CDHR4: variants seen among roughly 807,000 people sequenced by gnomAD.
CDHR4 encodes the protein cadherin-related family member 4.
In CDHR4, 89 loss-of-function variants were observed where a neutral mutation model predicts 88.4. The ratio of observed to expected loss-of-function variants is 1.01; its 90% CI spans 0.85 to 1.20. The LOEUF (loss-of-function observed/expected upper bound fraction) is 1.20, where lower values mean the gene tolerates loss of function less well. Among genes scored for constraint, CDHR4 ranks in the 50% most tolerant of loss-of-function variants. CDHR4 has a pLI of 0.00. For synonymous variants in CDHR4, 368 were observed against 399.2 expected (o/e 0.92, Z 0.93); for missense variants, 914 against 1,007.2 (o/e 0.91, Z 1.25).
rs1400923698 is a variant in CDHR4, at chr3:49,792,479, C to G, written c.2127G>C (p.Arg709Ser). Residue 709 changes from arginine (R) to serine (S), a missense_variant, in exon 15 of 19, where the codon AGG (arginine) becomes AGC (serine). Physicochemically the swap from Arg to Ser is moderately radical, Grantham distance 110. Transcript: ENST00000412678. Reference sequence around the variant, plus strand: ...GATAGGATCCCTACCCCTGGAGGAGCCTGCCAAGAAGCCAGCCTAGGGCCA... The same window carrying G: ...GATAGGATCCCTACCCCTGGAGGAGGCTGCCAAGAAGCCAGCCTAGGGCCA... ...LLLALGWLLGRLLQGLAQLLQ... is the reference protein window; with the variant it reads ...LLLALGWLLGSLLQGLAQLLQ... 6.4e-7 allele frequency: 1 copy of G among 1,551,640 alleles called. No individual in the cohort carries two copies. The highest frequency in any genetic ancestry group is 1.4e-5 in the African/African-American group (1 of 73,172).
intron 4 of CDHR4, chr3:49,798,157 C>A (rs145090541): frequency 2.6e-5 from 4 of 150,986 alleles, no homozygotes; most frequent in Non-Finnish European, 4.4e-5. Flanking sequence ...CCTCAGCCCC[C>A]TCAAAGTGCT....
chr3:49,800,377 G>C (rs2081344368), upstream of CDHR4, among the ~76,000 whole-genome samples: 2 of 151,926 alleles, frequency 1.3e-5, no homozygotes, highest in Non-Finnish European at 2.9e-5. Flanking sequence ...AATTAGTTGG[G>C]TGTGGTGATC....
In CDHR4 at chr3:49,794,701, C is replaced by T. The variant is rs1186678305; in HGVS notation, c.1186G>A (p.Val396Met). ...SLCLYDRVLE[V>M]NATLDCDTPG... ...GTGTCACAGTCCAGTGTGGCATTCACCTAGCCAAAGGGGCTAGAAAGTGAG... is the reference window on the plus strand; with the variant it reads ...GTGTCACAGTCCAGTGTGGCATTCATCTAGCCAAAGGGGCTAGAAAGTGAG... Residue 396 changes from valine (V) to methionine (M), a missense_variant and splice_region_variant, in exon 10 of 19, where the codon GTG becomes ATG. Coordinates refer to ENST00000412678, the MANE Select transcript of CDHR4 (RefSeq NM_001007540.4). The T allele has an allele frequency of 1.9e-6, 3 of 1,550,336 alleles. No homozygotes were observed. Among genetic ancestry groups the T allele is most frequent in the African/African-American group, 1.4e-5 (1 of 73,022 alleles).
intron 5 of CDHR4, among the ~76,000 whole-genome samples, chr3:49,796,645 A>G (rs1320978830): frequency 6.6e-6 from 1 of 152,158 alleles, no homozygotes; most frequent in African/African-American, 2.4e-5. Flanking sequence ...GCCATTACCC[A>G]GGACTTTCTC....
At position 49,793,985 on chromosome 3, in the gene CDHR4, A is replaced by G; in HGVS notation, c.1301T>C (p.Met434Thr). Residue 434 changes from methionine to threonine, a missense_variant, in exon 11 of 19, where the codon ATG becomes ACG. By Grantham distance (81) the Met-to-Thr change is moderately conservative (BLOSUM62 -1). Coordinates refer to ENST00000412678, the MANE Select transcript of CDHR4 (RefSeq NM_001007540.4). Reference sequence around the variant, plus strand: ...GGAGAACTCGTTGATGGGTGTCACCATCACCAGTACCGGCACCTCAGCTGG... The same window carrying G: ...GGAGAACTCGTTGATGGGTGTCACCGTCACCAGTACCGGCACCTCAGCTGG... ...QMTTEVPVLV[M>T]VTPINEFSPA... 6.4e-7 allele frequency: 1 copy of G among 1,551,664 alleles called. No individual in the cohort carries two copies. The highest frequency in any genetic ancestry group is 2.0e-5 in the Admixed American group (1 of 51,012).
Position 49,795,058 on chromosome 3 carries a change from A to G in CDHR4, c.1074T>C (p.Asn358=). The change falls in exon 9 of 19, where the codon AAT becomes AAC. Residue 358 remains asparagine (N), a synonymous_variant. Transcript: ENST00000412678. The surrounding 1 kb of genome is among the most constrained non-coding windows in gnomAD (Gnocchi z 5.4). ...AGTCCGGATCTTCGCAAGTGAGAGT[A>G]TTCAGCACGGTGCCCACGGGTGCAG... ...PETAPVGTVL[N]TLTCEDPDSV... is the part of the protein sequence containing the mutation. 6.4e-7 allele frequency: 1 copy of G among 1,551,692 alleles called. No homozygotes were observed. Among genetic ancestry groups the G allele is most frequent in the Non-Finnish European group, 8.7e-7 (1 of 1,146,992 alleles).
In CDHR4 at chr3:49,799,413, A is replaced by T. The variant is rs545024827; in HGVS notation, c.74T>A (p.Ile25Lys). Residue 25 changes from isoleucine (I) to lysine (K), a missense_variant, in exon 2 of 19, where the codon ATA becomes AAA. Coordinates refer to ENST00000412678, the MANE Select transcript of CDHR4 (RefSeq NM_001007540.4). ...VSDLCSLPCF[I>K]NVSESQGPGT... ...AGGGCCCTGGCTCTCAGAGACATTT[A>T]TAAAGCAGGGCAGGCTGCAGAGGTC... The T allele has an allele frequency of 6.2e-7, 1 of 1,605,122 alleles. No homozygotes were observed. The highest frequency in any genetic ancestry group is 2.2e-5 in the East Asian group (1 of 44,606).
At position 49,795,687 on chromosome 3, in the gene CDHR4, A is replaced by C. The variant is rs1198088907; in HGVS notation, c.788T>G (p.Val263Gly). The C allele has an allele frequency of 1.3e-6, 2 of 1,551,478 alleles. No homozygotes were observed. The highest frequency in any genetic ancestry group is 1.7e-6 in the Non-Finnish European group (2 of 1,146,972). ...SEVVQVQARG[V>G]DLRYEILSPV... is the part of the protein sequence containing the mutation. ...AGACAGGATTTCATAGCGCAGGTCG[A>C]CACCCCGGGCCTGGACCTGAACCAC... The change falls in exon 7 of 19, where the codon GTC (valine) becomes GGC (glycine). Residue 263 changes from valine to glycine, a missense_variant. Coordinates refer to ENST00000412678, the MANE Select transcript of CDHR4 (RefSeq NM_001007540.4). This position sits in a 1 kb window ranked among gnomAD's most constrained non-coding sequence, Gnocchi z 5.4.
chr3:49,799,212 G>GC, intron 2 of CDHR4, 35 bp downstream of exon 2: 1 of 1,609,448 alleles, frequency 6.2e-7, no homozygotes, highest in South Asian at 1.1e-5. Context: ...CTGCCCTTGT[G>GC]CCCCCACAGT....
chr3:49,793,504 G>T, intron 12 of CDHR4, 79 bp downstream of exon 12: 1 of 1,517,538 alleles, frequency 6.6e-7, no homozygotes, highest in South Asian at 1.3e-5. Context: ...GGCACAGAGT[G>T]GAAAAGCAGA....
Position 49,799,299 on chromosome 3 carries a change from G to T in CDHR4, c.188C>A (p.Thr63Asn). Residue 63 changes from threonine to asparagine, a missense_variant, in exon 2 of 19, where the codon ACC becomes AAC. Thr to Asn is a moderately conservative substitution (Grantham distance 65). Transcript: ENST00000412678. Reference sequence around the variant, plus strand: ...GGCCAAGCTGGGTGGGTTGAAGAAGGTGGTGGGTGGCTGGACATTGAGCAA... The same window carrying T: ...GGCCAAGCTGGGTGGGTTGAAGAAGTTGGTGGGTGGCTGGACATTGAGCAA... ...LELLNVQPPT[T>N]FFNPPSLARW... The T allele has an allele frequency of 6.2e-7, 1 of 1,613,898 alleles. No individual in the cohort carries two copies.
intron 10 of CDHR4, 53 bp downstream of exon 10, chr3:49,794,555 G>T: frequency 1.4e-6 from 2 of 1,390,504 alleles, no homozygotes; most frequent in Non-Finnish European, 2.0e-6. Flanking sequence ...CATGGGAAGC[G>T]GGAGGACAGA....
upstream of CDHR4, among the ~76,000 whole-genome samples, chr3:49,802,656 G>A (rs2081377175): frequency 6.6e-6 from 1 of 152,202 alleles, no homozygotes; most frequent in Admixed American, 6.5e-5. Flanking sequence ...CCGACCCTCA[G>A]TCTGCACCTG....
chr3:49,794,720 A>C lies in CDHR4; in HGVS notation c.1186-19T>G. ...CATTCACCTAGCCAAAGGGGCTAGA[A>C]AGTGAGGTCCAGCCAGGGCCTGAGA... On this transcript the variant is annotated intron_variant, in intron 9 of 18. Transcript: ENST00000412678. 1 of 1,545,170 alleles carries C rather than the reference A, an allele frequency of 6.5e-7. No individual in the cohort carries two copies. The highest frequency in any genetic ancestry group is 1.2e-5 in the South Asian group (1 of 83,450).
chr3:49,797,679 G>A (rs750597566), intron 4 of CDHR4, among the ~76,000 whole-genome samples: 1 of 150,942 alleles, frequency 6.6e-6, no homozygotes, highest in Non-Finnish European at 1.5e-5. Context: ...ATAGGGTTTC[G>A]CCATGTTGGC....
chr3:49,794,581 G>A, intron 10 of CDHR4, 27 bp downstream of exon 10: 1 of 1,527,256 alleles, frequency 6.5e-7, no homozygotes, highest in Non-Finnish European at 8.9e-7. Flanking sequence ...CTTGTCCTGG[G>A]TGTCCAGGCC....
chr3:49,802,686 C>T (rs1231168377), upstream of CDHR4, among the ~76,000 whole-genome samples: 1 of 152,230 alleles, frequency 6.6e-6, no homozygotes, highest in Admixed American at 6.5e-5. Flanking sequence ...AAGGGAATGC[C>T]GACGGTCGCG....
At chr3:49,800,224 C>T (rs1277269908), upstream of CDHR4, among the ~76,000 whole-genome samples, 2 of 152,094 alleles carry the variant, frequency 1.3e-5, no homozygotes, top group East Asian at 1.9e-4. Flanking sequence ...GCCCAACCGT[C>T]AACAAAATCT....
At chr3:49,794,225 C>T (rs1336187745) in intron 10 of CDHR4, among the ~76,000 whole-genome samples, 1 of 152,150 alleles carries the variant, frequency 6.6e-6, no homozygotes, top group African/African-American at 2.4e-5. Context: ...AGTGAAACCC[C>T]GTCTCTACTG....
Sources: gnomAD v4.1 joint callset for allele counts (sites outside exome capture counted in the v4.1 genomes callset) on GRCh38, gnomAD v4.1.1 for gene constraint, Gnocchi (gnomAD v3.1) non-coding constraint, MANE v1.5 for transcripts, NCBI Gene and HGNC (gene_info 2026-07-23, HGNC 2026-07-21) for gene names.